RELCH: variants seen among roughly 807,000 people sequenced by gnomAD.
RELCH encodes RAB11 binding and LisH domain, coiled-coil and HEAT repeat containing, also known as RAB11-binding protein RELCH.
In RELCH, 41 loss-of-function variants were observed where a neutral mutation model predicts 150.3. The ratio of observed to expected loss-of-function variants is 0.27; its 90% CI spans 0.21 to 0.35. RELCH has a LOEUF of 0.35. Among genes scored for constraint, RELCH ranks in the 10% least tolerant of loss-of-function variants. RELCH has a pLI of 1.00. For synonymous variants in RELCH, 478 were observed against 531.8 expected, an observed-to-expected ratio of 0.90 and a Z score of 1.39; for missense variants, 1,092 against 1,467.8, an observed-to-expected ratio of 0.74 and a Z score of 4.18.
intron 23 of RELCH, among the ~76,000 whole-genome samples, chr18:62,280,091 A>G (rs2044423994): frequency 6.6e-6 from 1 of 152,194 alleles, no homozygotes; most frequent in Non-Finnish European, 1.5e-5. Flanking sequence ...TATTAGTAAC[A>G]TTAGTGCTCA....
intron 2 of RELCH, among the ~76,000 whole-genome samples, chr18:62,220,416 A>G (rs1252934581): frequency 9.1e-6 from 1 of 109,792 alleles, no homozygotes; most frequent in Non-Finnish European, 1.9e-5. Context: ...GTTTGTTTTT[A>G]GAAAACATAC....
intron 25 of RELCH, among the ~76,000 whole-genome samples, chr18:62,283,336 CT>C (rs2044621033): frequency 6.6e-6 from 1 of 152,140 alleles, no homozygotes; most frequent in African/African-American, 2.4e-5. Context: ...GCCACAATTT[CT>C]TTGGATAGCA....
In RELCH at chr18:62,305,082, A is replaced by C. The variant is rs2045829616; in HGVS notation, c.3531-332A>C. Among the ~76,000 whole-genome samples, 1 of 152,256 alleles carries C rather than the reference A, an allele frequency of 6.6e-6. No homozygotes were observed. The highest frequency in any genetic ancestry group is 2.4e-5 in the African/African-American group (1 of 41,468). On this transcript the variant is annotated intron_variant, in intron 28 of 28. Transcript: ENST00000644646. This position sits in a 1 kb window ranked among gnomAD's most constrained non-coding sequence, Gnocchi z 4.0. Reference sequence around the variant, plus strand: ...TACTGAGCACTTTACAGTTGTGTTAATATAATCCTAATAACCCTAGGAGGC... The same window carrying C: ...TACTGAGCACTTTACAGTTGTGTTACTATAATCCTAATAACCCTAGGAGGC...
chr18:62,258,739 G>A, intron 15 of RELCH, 63 bp downstream of exon 15: 3 of 1,170,086 alleles, frequency 2.6e-6, no homozygotes, highest in Non-Finnish European at 3.6e-6. Flanking sequence ...AAGCCATCTT[G>A]GAACAATGTT....
At chr18:62,228,697 A>T in intron 8 of RELCH, 99 bp downstream of exon 8, 2 of 828,520 alleles carry the variant, frequency 2.4e-6, no homozygotes, top group Admixed American at 3.3e-5. Flanking sequence ...TTTTTTGCAG[A>T]TCAAATATAT....
intron 15 of RELCH, among the ~76,000 whole-genome samples, chr18:62,259,504 A>G (rs1488683912): frequency 1.3e-5 from 2 of 151,920 alleles, no homozygotes; most frequent in Admixed American, 1.3e-4. Flanking sequence ...AAAAAAAAAG[A>G]TATCCATATT....
At chr18:62,250,035 G>A (rs1020607656) in intron 11 of RELCH, among the ~76,000 whole-genome samples, 1 of 151,960 alleles carries the variant, frequency 6.6e-6, no homozygotes, top group African/African-American at 2.4e-5. Flanking sequence ...ATGTCTACCT[G>A]TATCATTTAC....
At chr18:62,275,707 A>T in intron 22 of RELCH, 1 of 346,810 alleles carries the variant, frequency 2.9e-6, no homozygotes, top group Non-Finnish European at 5.2e-6. Context: ...TTCAATTATC[A>T]CTTTTATTTC....
At chr18:62,221,606 T>C in intron 5 of RELCH, 109 bp downstream of exon 5, 1 of 495,984 alleles carries the variant, frequency 2.0e-6, no homozygotes, top group Non-Finnish European at 3.5e-6. Context: ...ATAGTAAAAT[T>C]CTACAAGGCT....
chr18:62,194,163 G>A (rs1215881416), intron 1 of RELCH, among the ~76,000 whole-genome samples: 2 of 152,090 alleles, frequency 1.3e-5, no homozygotes, highest in South Asian at 2.1e-4. Context: ...TAGGAGGATC[G>A]CTTGAGCCCA....
In RELCH at chr18:62,309,242, A is replaced by AAG. The variant is rs916822514; in HGVS notation, c.*3709_*3710insGA. ...AGAGTGAGACTACATCTCAAAAAAA[A>AAG]AAAATAATAATAGAGACAAACTACT... On this transcript the variant is annotated 3_prime_UTR_variant, in exon 29 of 29. Transcript: ENST00000644646. 1.3e-5 allele frequency: 2 copies of AAG among 151,752 alleles called. No homozygotes were observed. Among genetic ancestry groups the AAG allele is most frequent in the African/African-American group, 4.8e-5 (2 of 41,332 alleles). 9.4% of individuals were successfully genotyped at this position (151,752 alleles called of 1,614,324 possible).
chr18:62,280,529 T>C, intron 23 of RELCH, 117 bp from the exon 24 acceptor site: 1 of 1,356,970 alleles, frequency 7.4e-7, no homozygotes, highest in South Asian at 1.2e-5. Context: ...TTTATTTAAT[T>C]TGTCATTGCT....
chr18:62,291,848 C>T (rs1600262034), intron 27 of RELCH, among the ~76,000 whole-genome samples: 2 of 152,110 alleles, frequency 1.3e-5, no homozygotes, highest in South Asian at 4.1e-4. Context: ...AATACACTCT[C>T]CTTCACTTAA....
chr18:62,191,411 A>G (rs1320691351), intron 1 of RELCH, among the ~76,000 whole-genome samples: 1 of 152,070 alleles, frequency 6.6e-6, no homozygotes, highest in Non-Finnish European at 1.5e-5. Context: ...TGCCTATTCA[A>G]TCTTTTGCAC....
rs374721695 is a variant in RELCH at position 62,215,055 on chromosome 18, G to A, written c.616+3813G>A. On this transcript the variant is annotated intron_variant, in intron 2 of 28. Coordinates refer to ENST00000644646, the MANE Select transcript of RELCH (RefSeq NM_001346231.2). ...CCCTTGGTTTGTTCTCTGAACATAC[G>A]TTTTCAATCTTTACATGGACAGGCT... 3.3e-4 allele frequency among the ~76,000 whole-genome samples: 50 copies of A among 152,126 alleles called. 4 individuals carry two copies. The highest frequency in any genetic ancestry group is 2.7e-3 in the East Asian group (14 of 5,162).
At chr18:62,250,980 A>G (rs1385246399) in intron 11 of RELCH, among the ~76,000 whole-genome samples, 1 of 152,220 alleles carries the variant, frequency 6.6e-6, no homozygotes, top group East Asian at 1.9e-4. Flanking sequence ...GTGTTAGACA[A>G]TCAAAGTGGA....
chr18:62,265,518 T>C (rs1568403378), intron 18 of RELCH, among the ~76,000 whole-genome samples: 1 of 152,082 alleles, frequency 6.6e-6, no homozygotes, highest in African/African-American at 2.4e-5. Context: ...TAAAAAGGTG[T>C]AGTTTCTATA....
chr18:62,299,844 C>G (rs1360185720), intron 28 of RELCH, among the ~76,000 whole-genome samples: 1 of 152,106 alleles, frequency 6.6e-6, no homozygotes, highest in African/African-American at 2.4e-5. Context: ...TGATATGTAT[C>G]TTTTAAAGAT....
At chr18:62,223,159 G>A (rs1475480756) in intron 5 of RELCH, among the ~76,000 whole-genome samples, 1 of 151,618 alleles carries the variant, frequency 6.6e-6, no homozygotes, top group Non-Finnish European at 1.5e-5. Context: ...ACAGGCAGCA[G>A]AAAACAATAG....
Sources: gnomAD v4.1 joint callset for allele counts (sites outside exome capture counted in the v4.1 genomes callset) on GRCh38, gnomAD v4.1.1 for gene constraint, Gnocchi (gnomAD v3.1) non-coding constraint, MANE v1.5 for transcripts, NCBI Gene and HGNC (gene_info 2026-07-23, HGNC 2026-07-21) for gene names.